Variants in KAT6B observed in about 807,000 individuals in gnomAD.
The protein encoded by KAT6B is lysine acetyltransferase 6B.
In KAT6B, 10 loss-of-function variants were observed where a neutral mutation model predicts 187.5. That is an observed-to-expected ratio of 0.05 (90% CI 0.03 to 0.09). KAT6B has a LOEUF of 0.09. Among genes scored for constraint, KAT6B ranks in the 10% least tolerant of loss-of-function variants. The pLI is 1.00. For missense variants in KAT6B, 1,952 were observed against 2,558.9 expected (o/e 0.76, Z 5.12); for synonymous variants, 861 against 926.8 (o/e 0.93, Z 1.29).
At chr10:74,879,801 A>G (rs1224627584) in intron 3 of KAT6B, among the ~76,000 whole-genome samples, 1 of 152,106 alleles carries the variant, frequency 6.6e-6, no homozygotes, top group Non-Finnish European at 1.5e-5. Flanking sequence ...GTTATTGTCT[A>G]AAGGTAGATC....
chr10:74,833,325 T>TA (rs1361307424), intron 1 of KAT6B, among the ~76,000 whole-genome samples: 1 of 152,156 alleles, frequency 6.6e-6, no homozygotes, highest in Non-Finnish European at 1.5e-5. Flanking sequence ...TGCTTAGTTA[T>TA]AATACATCAT....
intron 3 of KAT6B, among the ~76,000 whole-genome samples, chr10:74,949,682 TA>T: frequency 6.6e-6 from 1 of 151,984 alleles, no homozygotes; most frequent in African/African-American, 2.4e-5. Flanking sequence ...TCTCTCGTCT[TA>T]CTCCGTTATG....
At chr10:74,908,643 T>A (rs1222280016) in intron 3 of KAT6B, among the ~76,000 whole-genome samples, 1 of 152,004 alleles carries the variant, frequency 6.6e-6, no homozygotes, top group Non-Finnish European at 1.5e-5. Flanking sequence ...GAAAATGAAC[T>A]AAGACACTGA....
intron 13 of KAT6B, among the ~76,000 whole-genome samples, chr10:75,008,200 G>A (rs1344836906): frequency 2.0e-5 from 3 of 152,166 alleles, no homozygotes; most frequent in Non-Finnish European, 2.9e-5. Flanking sequence ...CTGTGAGCCC[G>A]AGGAGAGAAA....
chr10:74,923,321 C>T (rs1848274634), intron 3 of KAT6B, among the ~76,000 whole-genome samples: 1 of 152,188 alleles, frequency 6.6e-6, no homozygotes, highest in African/African-American at 2.4e-5. Context: ...ATGTCAGGCA[C>T]TGTTGTAGGC....
intron 13 of KAT6B, among the ~76,000 whole-genome samples, chr10:74,994,946 C>T (rs566652055): frequency 6.6e-6 from 1 of 152,158 alleles, no homozygotes; most frequent in East Asian, 1.9e-4. Context: ...TGCACATATA[C>T]ATATGGGTGT....
upstream of KAT6B, among the ~76,000 whole-genome samples, chr10:74,825,229 C>T (rs909847932): frequency 3.9e-5 from 6 of 152,104 alleles, no homozygotes; most frequent in Non-Finnish European, 8.8e-5. The surrounding 1 kb of genome is among the most constrained non-coding windows in gnomAD (Gnocchi z 5.0). Flanking sequence ...TGGCGAGGAC[C>T]GCACCTCAGT....
At chr10:74,940,836 G>T (rs908515603) in intron 3 of KAT6B, among the ~76,000 whole-genome samples, 3 of 152,060 alleles carry the variant, frequency 2.0e-5, no homozygotes, top group African/African-American at 7.2e-5. Flanking sequence ...ATTCTTGGTC[G>T]CCTCACTGCT....
chr10:74,989,585 A>G (rs1336233158), intron 13 of KAT6B, among the ~76,000 whole-genome samples: 2 of 152,228 alleles, frequency 1.3e-5, no homozygotes, highest in Non-Finnish European at 2.9e-5. Flanking sequence ...TAGTAGAAAT[A>G]ACTCTTACCT....
chr10:74,994,619 C>CA (rs952757609), intron 13 of KAT6B, among the ~76,000 whole-genome samples: 189 of 142,464 alleles, frequency 1.3e-3, no homozygotes, highest in Admixed American at 1.9e-3. Flanking sequence ...CCTGTCTCTA[C>CA]AAAAAAAAAA....
At chr10:74,893,564 G>T (rs777274979) in intron 3 of KAT6B, among the ~76,000 whole-genome samples, 4 of 151,824 alleles carry the variant, frequency 2.6e-5, no homozygotes, top group Non-Finnish European at 5.9e-5. Flanking sequence ...CCATCTCTGG[G>T]GTTCAAGCGA....
At chr10:74,996,498 C>T (rs1278388773) in intron 13 of KAT6B, among the ~76,000 whole-genome samples, 15 of 151,660 alleles carry the variant, frequency 9.9e-5, no homozygotes, top group Middle Eastern at 3.2e-3. Flanking sequence ...AGGTGGGGTG[C>T]GGTGGCTCAC....
At chr10:74,882,731 T>G (rs1844942886) in intron 3 of KAT6B, among the ~76,000 whole-genome samples, 1 of 152,250 alleles carries the variant, frequency 6.6e-6, no homozygotes, top group Non-Finnish European at 1.5e-5. Context: ...TAAAAGTTAA[T>G]TTCTTCCCTA....
intron 3 of KAT6B, among the ~76,000 whole-genome samples, chr10:74,866,600 G>A (rs1210971980): frequency 6.6e-6 from 1 of 151,990 alleles, no homozygotes; most frequent in East Asian, 1.9e-4. Context: ...TAAAAAAAAG[G>A]AGTCTATATC....
At chr10:74,980,658 C>G (rs1326656010) in intron 10 of KAT6B, among the ~76,000 whole-genome samples, 1 of 152,210 alleles carries the variant, frequency 6.6e-6, no homozygotes, top group Non-Finnish European at 1.5e-5. Flanking sequence ...TCTTGAAAAC[C>G]TTTTTCCCCA....
intron 1 of KAT6B, among the ~76,000 whole-genome samples, chr10:74,835,544 C>G (rs371868610): frequency 6.6e-6 from 1 of 152,158 alleles, no homozygotes; most frequent in African/African-American, 2.4e-5. Flanking sequence ...TCACAGAGAT[C>G]TAAAGAGCCT....
At position 74,980,376 on chromosome 10, in the gene KAT6B, T is replaced by A. The variant is rs529351324; in HGVS notation, c.2231+1037T>A. On this transcript the variant is annotated intron_variant, in intron 10 of 17. Transcript: ENST00000287239. Reference sequence around the variant, plus strand: ...AAACTTGATTTTCTTATAGAATAGATCTTATTTTTTTTCGTTAGCATGTGA... The same window carrying A: ...AAACTTGATTTTCTTATAGAATAGAACTTATTTTTTTTCGTTAGCATGTGA... Among the ~76,000 whole-genome samples, 6 of 152,316 alleles carry A rather than the reference T, an allele frequency of 3.9e-5. No homozygotes were observed. The South Asian group carries it at 6.2e-4, about 16-fold the overall frequency.
chr10:74,880,538 A>G (rs1169252423), intron 3 of KAT6B, among the ~76,000 whole-genome samples: 2 of 152,178 alleles, frequency 1.3e-5, no homozygotes, highest in African/African-American at 2.4e-5. Flanking sequence ...ACATTTGTGT[A>G]CATATTTTTG....
chr10:74,826,126 T>A (rs1840190871), upstream of KAT6B, among the ~76,000 whole-genome samples: 1 of 131,370 alleles, frequency 7.6e-6, no homozygotes, highest in African/African-American at 2.9e-5. Context: ...AGCTGCGGGC[T>A]AGGGGGTTTG....
Sources: allele counts gnomAD v4.1 joint callset (sites outside exome capture counted in the v4.1 genomes callset), GRCh38; gene constraint gnomAD v4.1.1; non-coding constraint Gnocchi (gnomAD v3.1); transcripts MANE v1.5; gene names NCBI Gene and HGNC (gene_info 2026-07-23, HGNC 2026-07-21).